CATSPERB: variants seen among roughly 807,000 people sequenced by gnomAD.
CATSPERB encodes catsper channel auxiliary subunit beta.
Under a neutral mutation model 128.3 loss-of-function variants are expected in CATSPERB, and 93 were observed. The observed-to-expected ratio is 0.72, with a 90% confidence interval of 0.61 to 0.86. The LOEUF is 0.86. Among genes scored for constraint, CATSPERB ranks in the 40% least tolerant of loss-of-function variants. The probability of loss-of-function intolerance (pLI) is 0.00; values close to 1 mark genes in which losing one functional copy is unlikely to be tolerated. For synonymous variants in CATSPERB, 381 were observed against 448.8 expected, an observed-to-expected ratio of 0.85 and a Z score of 1.91; for missense variants, 1,153 against 1,329.5, an observed-to-expected ratio of 0.87 and a Z score of 2.06.
intron 14 of CATSPERB, among the ~76,000 whole-genome samples, chr14:91,665,055 A>G (rs890171325): frequency 2.4e-4 from 31 of 127,312 alleles, no homozygotes; most frequent in African/African-American, 8.9e-4. Context: ...ACACCTGGAT[A>G]ATTTTTTTTT....
chr14:91,605,634 T>C (rs1484101989), intron 22 of CATSPERB, among the ~76,000 whole-genome samples: 1 of 152,176 alleles, frequency 6.6e-6, no homozygotes, highest in Non-Finnish European at 1.5e-5. Flanking sequence ...CTGAATGGTC[T>C]TTAAGTTTGT....
At chr14:91,598,702 C>G (rs1893553639) in intron 22 of CATSPERB, among the ~76,000 whole-genome samples, 1 of 151,664 alleles carries the variant, frequency 6.6e-6, no homozygotes. Flanking sequence ...ACTAAAAATA[C>G]AAAAAATTAG....
chr14:91,731,571 T>C (rs1389332837), intron 1 of CATSPERB, among the ~76,000 whole-genome samples: 1 of 152,188 alleles, frequency 6.6e-6, no homozygotes, highest in Non-Finnish European at 1.5e-5. Context: ...ATCTAACATA[T>C]TCTATACAGA....
At chr14:91,713,395 A>C (rs1436103858) in intron 5 of CATSPERB, among the ~76,000 whole-genome samples, 1 of 152,180 alleles carries the variant, frequency 6.6e-6, no homozygotes, top group Admixed American at 6.5e-5. Context: ...ATGAAATCAA[A>C]AGATGTCTCT....
rs540019350 is a variant in CATSPERB, at chr14:91,636,348, G to A, written c.1742+77C>T. The stretch of plus-strand genomic sequence containing the variant: ...ACTGCACTCCAGCCTGGATGACAGA[G>A]CAAGACCCTATCTCAAAAAATTTAA... On this transcript the variant is annotated intron_variant, in intron 17 of 26. Transcript: ENST00000256343. 241 of 1,366,238 alleles carry A rather than the reference G, an allele frequency of 1.8e-4. No individual in the cohort carries two copies. In the African/African-American group the frequency reaches 2.9e-3, roughly 16 times the overall value. The allele number at this position is 1,366,238 out of a possible 1,614,324, so 84.6% of individuals were successfully genotyped here.
At chr14:91,634,932 A>T (rs1281041130) in intron 17 of CATSPERB, among the ~76,000 whole-genome samples, 3 of 151,862 alleles carry the variant, frequency 2.0e-5, no homozygotes, top group Non-Finnish European at 2.9e-5. Context: ...GCCTATAAAC[A>T]GCAGAAATTT....
Position 91,580,992 on chromosome 14 carries a change from A to G in CATSPERB, c.3248T>C (p.Ile1083Thr), listed in dbSNP as rs1221144030. Residue 1083 changes from isoleucine to threonine, a missense_variant, in exon 27 of 27, where the codon ATC (isoleucine) becomes ACC (threonine). Coordinates refer to ENST00000256343, the MANE Select transcript of CATSPERB (RefSeq NM_024764.4). ...FIAFMFQLQG[I>T]HPWRTFQRWI... ...TCTTTGGAATGTCCTCCACGGATGG[A>G]TGCCTTGCAGTTGAAACATAAATGC... The G allele has an allele frequency of 6.2e-7, 1 of 1,614,188 alleles. No homozygotes were observed. The highest frequency in any genetic ancestry group is 2.2e-5 in the East Asian group (1 of 44,882).
At position 91,610,663 on chromosome 14, in the gene CATSPERB, C is replaced by T. The variant is rs766422870; in HGVS notation, c.2415G>A (p.Leu805=). The T allele has an allele frequency of 5.6e-6, 9 of 1,614,008 alleles. No individual in the cohort carries two copies. The highest frequency in any genetic ancestry group is 7.6e-6 in the Non-Finnish European group (9 of 1,179,998). The change falls in exon 21 of 27, where the codon CTG becomes CTA. Residue 805 remains leucine (L), a synonymous_variant. Transcript: ENST00000256343. ...TAGAGGCTGACCACATAATAAATGC[C>T]AGTGAAGTTGAACCCTGGAAATAAC... The part of the protein sequence containing the change: ...SKVLHQGSTS[L]AFIMWSASTE...
intron 20 of CATSPERB, among the ~76,000 whole-genome samples, chr14:91,615,235 A>G (rs1893913459): frequency 6.6e-6 from 1 of 152,196 alleles, no homozygotes; most frequent in African/African-American, 2.4e-5. Context: ...CGGCGGCAGC[A>G]TTAGATTCTC....
chr14:91,604,915 G>T, intron 22 of CATSPERB: 1 of 1,232,874 alleles, frequency 8.1e-7, no homozygotes, highest in South Asian at 1.2e-5. Flanking sequence ...CCTGTTTGTA[G>T]CTGAGGTTCA....
intron 21 of CATSPERB, among the ~76,000 whole-genome samples, chr14:91,609,585 G>T (rs1465387410): frequency 2.0e-5 from 3 of 152,116 alleles, no homozygotes; most frequent in Admixed American, 6.5e-5. Flanking sequence ...GTTTGTGTGT[G>T]TAAGTTTTGA....
At chr14:91,643,188 G>T (rs1894530207) in intron 15 of CATSPERB, among the ~76,000 whole-genome samples, 1 of 17,668 alleles carries the variant, frequency 5.7e-5, no homozygotes, top group African/African-American at 1.9e-4. Flanking sequence ...TTTTTGAAGG[G>T]TTTTTTGTGT....
At chr14:91,637,128 A>G (rs1194945537) in intron 16 of CATSPERB, among the ~76,000 whole-genome samples, 1 of 151,868 alleles carries the variant, frequency 6.6e-6, no homozygotes, top group Admixed American at 6.6e-5. Flanking sequence ...TTTTCAACAC[A>G]CCTTTCTCTA....
At chr14:91,592,979 G>A (rs1271707717) in intron 22 of CATSPERB, among the ~76,000 whole-genome samples, 2 of 152,226 alleles carry the variant, frequency 1.3e-5, no homozygotes, top group African/African-American at 2.4e-5. Flanking sequence ...TGCTCCAGCT[G>A]TGGCTGAAAG....
chr14:91,685,893 C>A (rs1234394989), intron 10 of CATSPERB, among the ~76,000 whole-genome samples: 1 of 152,176 alleles, frequency 6.6e-6, no homozygotes, highest in Non-Finnish European at 1.5e-5. Context: ...TTTTGTGTGT[C>A]ACAAGAATTT....
At chr14:91,667,379 C>T (rs10142076) in intron 14 of CATSPERB, among the ~76,000 whole-genome samples, 60,120 of 151,724 alleles carry the variant, frequency 0.4, 12,064 homozygotes, top group Middle Eastern at 0.55. Flanking sequence ...AGGAAAGAGA[C>T]AAAGAGACAG....
intron 22 of CATSPERB, chr14:91,605,420 A>C: frequency 2.0e-6 from 1 of 504,734 alleles, no homozygotes; most frequent in Non-Finnish European, 3.5e-6. Flanking sequence ...GAGAAATATG[A>C]CCTCCAGAAG....
intron 24 of CATSPERB, among the ~76,000 whole-genome samples, chr14:91,589,315 CAA>C (rs1404411960): frequency 6.6e-6 from 1 of 152,106 alleles, no homozygotes; most frequent in East Asian, 1.9e-4. Flanking sequence ...GTAAATTATT[CAA>C]AAATGCTTTT....
chr14:91,713,267 C>T (rs1895872356), intron 5 of CATSPERB, among the ~76,000 whole-genome samples: 1 of 138,432 alleles, frequency 7.2e-6, no homozygotes, highest in Non-Finnish European at 1.6e-5. Flanking sequence ...TCTAAAGATT[C>T]CCAACTTAAC....
Sources: allele counts gnomAD v4.1 joint callset (sites outside exome capture counted in the v4.1 genomes callset), GRCh38; gene constraint gnomAD v4.1.1; transcripts MANE v1.5; gene names NCBI Gene and HGNC (gene_info 2026-07-23, HGNC 2026-07-21).